The following ZNF385B variants were observed in gnomAD, a reference collection of about 807,000 sequenced individuals.
ZNF385B encodes zinc finger protein 385B, also known as zinc finger protein 533.
A neutral mutation model predicts 39.2 loss-of-function variants in ZNF385B; 23 were observed. That is an observed-to-expected ratio of 0.59 (90% confidence interval 0.42 to 0.83). ZNF385B has a LOEUF of 0.83. Ranked by LOEUF, ZNF385B falls within the 40% of genes least tolerant of loss-of-function variation. The probability of loss-of-function intolerance (pLI) is 0.00; values close to 1 mark genes in which losing one functional copy is unlikely to be tolerated. For missense variants in ZNF385B, 552 were observed against 598.9 expected, an observed-to-expected ratio of 0.92 and a Z score of 0.82; for synonymous variants, 205 against 222.6, an observed-to-expected ratio of 0.92 and a Z score of 0.70.
At chr2:179,760,645 A>T (rs2106486605) in intron 3 of ZNF385B, among the ~76,000 whole-genome samples, 1 of 152,282 alleles carries the variant, frequency 6.6e-6, no homozygotes, top group East Asian at 1.9e-4. Flanking sequence ...CTCATTGCAG[A>T]TGTGATTGCT....
chr2:179,816,488 T>C (rs1256407013), intron 1 of ZNF385B, among the ~76,000 whole-genome samples: 1 of 152,230 alleles, frequency 6.6e-6, no homozygotes, highest in African/African-American at 2.4e-5. Flanking sequence ...AATGACTTCG[T>C]ATTTCACTTA....
intron 1 of ZNF385B, among the ~76,000 whole-genome samples, chr2:179,773,667 T>C (rs1704140600): frequency 6.6e-6 from 1 of 152,116 alleles, no homozygotes; most frequent in Non-Finnish European, 1.5e-5. Context: ...TGTTACAGAA[T>C]AGGTAGGCAG....
intron 1 of ZNF385B, among the ~76,000 whole-genome samples, chr2:179,833,227 A>G (rs1708075001): frequency 1.3e-5 from 2 of 152,108 alleles, no homozygotes; most frequent in South Asian, 4.2e-4. Context: ...TGTTTCCCCA[A>G]ATGTGCCCAT....
chr2:179,454,299 T>G (rs142743629), intron 6 of ZNF385B, among the ~76,000 whole-genome samples: 159 of 152,312 alleles, frequency 1.0e-3, no homozygotes, highest in Non-Finnish European at 1.5e-3. Context: ...GTAGCTGTCA[T>G]GATGTTGTAG....
chr2:179,782,286 C>G (rs990679477), intron 1 of ZNF385B, among the ~76,000 whole-genome samples: 3 of 152,178 alleles, frequency 2.0e-5, no homozygotes, highest in Admixed American at 6.5e-5. Flanking sequence ...CTTCAACACC[C>G]CTTCATGTTA....
chr2:179,581,895 C>T (rs1353557994), intron 3 of ZNF385B, among the ~76,000 whole-genome samples: 1 of 152,192 alleles, frequency 6.6e-6, no homozygotes, highest in Non-Finnish European at 1.5e-5. Context: ...GTAGACTGGG[C>T]TCCCGATAAG....
intron 3 of ZNF385B, chr2:179,576,054 G>T: frequency 2.5e-6 from 2 of 799,224 alleles, no homozygotes; most frequent in Non-Finnish European, 3.0e-6. Context: ...GGCAACTCTG[G>T]CACAACACTT....
At chr2:179,737,845 G>C (rs1701860827) in intron 3 of ZNF385B, among the ~76,000 whole-genome samples, 1 of 152,280 alleles carries the variant, frequency 6.6e-6, no homozygotes, top group Middle Eastern at 3.4e-3. Context: ...TGATCACACA[G>C]CTAAATTGTG....
Position 179,562,424 on chromosome 2 carries a change from G to A in ZNF385B, c.299-17455C>T, listed in dbSNP as rs1270230998. 8 of 985,198 alleles carry A rather than the reference G, an allele frequency of 8.1e-6. No homozygotes were observed. The South Asian group carries it at 1.4e-4, about 17-fold the overall frequency. 61.0% of individuals were successfully genotyped at this position (985,198 alleles called of 1,614,324 possible). A position where few individuals can be genotyped will look rare whatever the true frequency, so the allele number is the denominator to read the frequency against. On this transcript the variant is annotated intron_variant, in intron 3 of 9. Coordinates refer to ENST00000410066, the MANE Select transcript of ZNF385B (RefSeq NM_152520.6). ...CTTTGTTTTTAAGGTTACAGTCCACGTTCACGTCTGCATTTGAGCACTGTA... is the reference window on the plus strand; with the variant it reads ...CTTTGTTTTTAAGGTTACAGTCCACATTCACGTCTGCATTTGAGCACTGTA...
chr2:179,621,442 C>T (rs1488215355), intron 3 of ZNF385B, among the ~76,000 whole-genome samples: 2 of 152,180 alleles, frequency 1.3e-5, no homozygotes, highest in African/African-American at 4.8e-5. Context: ...TAAATGTTAA[C>T]AACAAAGTAT....
At position 179,625,661 on chromosome 2, in the gene ZNF385B, CAAAGTCCCTGACCTCA is replaced by C. The variant is rs1690594089; in HGVS notation, c.299-80708_299-80693del. On this transcript the variant is annotated intron_variant, in intron 3 of 9. Transcript: ENST00000410066. ...GTGGAAAGATGCCAGATCCCTAAGG[CAAAGTCCCTGACCTCA>C]AAAGTCTTGAAATGTAATTGAGATA... 2.0e-5 allele frequency among the ~76,000 whole-genome samples: 3 copies of C among 152,022 alleles called. No homozygotes were observed. The East Asian group carries it at 5.8e-4, about 29-fold the overall frequency.
At chr2:179,661,727 T>A (rs182485620) in intron 3 of ZNF385B, among the ~76,000 whole-genome samples, 3 of 152,326 alleles carry the variant, frequency 2.0e-5, no homozygotes, top group Non-Finnish European at 2.9e-5. Context: ...TCTAAATCAG[T>A]GTGCATCCAT....
At chr2:179,712,458 G>C (rs1446272361) in intron 3 of ZNF385B, among the ~76,000 whole-genome samples, 1 of 152,154 alleles carries the variant, frequency 6.6e-6, no homozygotes, top group African/African-American at 2.4e-5. Flanking sequence ...CCGAAATACA[G>C]ACACCGTCCT....
intron 3 of ZNF385B, among the ~76,000 whole-genome samples, chr2:179,630,234 G>A (rs1300183907): frequency 6.6e-6 from 1 of 152,230 alleles, no homozygotes; most frequent in Non-Finnish European, 1.5e-5. Context: ...TGACTCCTGT[G>A]CAGCCTAACT....
At chr2:179,616,306 T>C (rs1304112827) in intron 3 of ZNF385B, among the ~76,000 whole-genome samples, 1 of 152,164 alleles carries the variant, frequency 6.6e-6, no homozygotes, top group Admixed American at 6.5e-5. Flanking sequence ...TTATGGTTTT[T>C]TATGACAGTA....
Position 179,699,396 on chromosome 2 carries a change from C to G in ZNF385B, c.298+70107G>C, listed in dbSNP as rs898690892. Reference sequence around the variant, plus strand: ...AGGGCTCTAGTATTTCTGTTTTGCACTTTAGAAACAATGATTTAACATAGT... The same window carrying G: ...AGGGCTCTAGTATTTCTGTTTTGCAGTTTAGAAACAATGATTTAACATAGT... On this transcript the variant is annotated intron_variant, in intron 3 of 9. Transcript: ENST00000410066. Among the ~76,000 whole-genome samples, 12 of 152,132 alleles carry G rather than the reference C, an allele frequency of 7.9e-5. No homozygotes were observed. In the East Asian group the frequency reaches 2.1e-3, roughly 27 times the overall value.
chr2:179,493,640 C>T (rs1176140292), intron 5 of ZNF385B, among the ~76,000 whole-genome samples: 4 of 95,342 alleles, frequency 4.2e-5, no homozygotes, highest in Non-Finnish European at 8.7e-5. Flanking sequence ...CATATGTATA[C>T]ACATATGCGT....
chr2:179,493,784 C>CATATGCAT (rs2055802527), intron 5 of ZNF385B, among the ~76,000 whole-genome samples: 7 of 88,500 alleles, frequency 7.9e-5, no homozygotes, highest in East Asian at 3.0e-4. Context: ...TGTATATACA[C>CATATGCAT]ATATGTATAC....
intron 6 of ZNF385B, among the ~76,000 whole-genome samples, chr2:179,455,186 GC>G (rs1553553935): frequency 6.6e-6 from 1 of 151,924 alleles, no homozygotes; most frequent in Non-Finnish European, 1.5e-5. Flanking sequence ...ATACACAAAT[GC>G]TTATTGTTGT....
Sources: gnomAD v4.1 joint callset for allele counts (sites outside exome capture counted in the v4.1 genomes callset) on GRCh38, gnomAD v4.1.1 for gene constraint, MANE v1.5 for transcripts, NCBI Gene and HGNC (gene_info 2026-07-23, HGNC 2026-07-21) for gene names.